Variants in KCNK13 observed in about 807,000 individuals in gnomAD.
KCNK13 encodes potassium channel subfamily K member 13.
A neutral mutation model predicts 23.4 loss-of-function variants in KCNK13; 12 were observed. The observed-to-expected ratio is 0.51, with a 90% CI of 0.33 to 0.83. The LOEUF (loss-of-function observed/expected upper bound fraction) is 0.83. Ranked by LOEUF, KCNK13 falls within the 40% of genes least tolerant of loss-of-function variation. KCNK13 has a pLI of 0.02. For synonymous variants in KCNK13, 231 were observed against 229.5 expected (o/e 1.01, Z -0.06); for missense variants, 463 against 556.3 (o/e 0.83, Z 1.69).
At chr14:90,081,076 G>A (rs1889203779) in intron 1 of KCNK13, among the ~76,000 whole-genome samples, 1 of 152,232 alleles carries the variant, frequency 6.6e-6, no homozygotes, top group Non-Finnish European at 1.5e-5. Flanking sequence ...AAGCCTTTCA[G>A]GCACTGCGAA....
intron 1 of KCNK13, among the ~76,000 whole-genome samples, chr14:90,124,459 C>G (rs1445165751): frequency 6.6e-6 from 1 of 152,216 alleles, no homozygotes; most frequent in Non-Finnish European, 1.5e-5. Flanking sequence ...AGATTCAAAG[C>G]ATGAAATGGA....
intron 1 of KCNK13, among the ~76,000 whole-genome samples, chr14:90,161,598 A>G (rs1890253590): frequency 6.6e-6 from 1 of 152,220 alleles, no homozygotes; most frequent in South Asian, 2.1e-4. Context: ...AGTAATTACA[A>G]CATTCTACTA....
At chr14:90,102,668 A>G (rs1265843044) in intron 1 of KCNK13, among the ~76,000 whole-genome samples, 1 of 152,196 alleles carries the variant, frequency 6.6e-6, no homozygotes, top group African/African-American at 2.4e-5. Context: ...CTTCTCAGTC[A>G]GTATGGCTGT....
intron 1 of KCNK13, among the ~76,000 whole-genome samples, chr14:90,091,668 G>T (rs1441787690): frequency 6.6e-6 from 1 of 151,850 alleles, no homozygotes; most frequent in African/African-American, 2.4e-5. Context: ...AGACAGTGAT[G>T]CATGAAGGGT....
intron 1 of KCNK13, among the ~76,000 whole-genome samples, chr14:90,137,496 T>G (rs1025240749): frequency 1.4e-4 from 21 of 152,114 alleles, no homozygotes; most frequent in Admixed American, 7.2e-4. Flanking sequence ...AATTTTTGTA[T>G]TTTTCATAGA....
chr14:90,179,237 T>G (rs1417944290), intron 1 of KCNK13, among the ~76,000 whole-genome samples: 2 of 152,088 alleles, frequency 1.3e-5, no homozygotes, highest in African/African-American at 4.8e-5. Context: ...GTTGACAGAA[T>G]GTTGATAATT....
At position 90,085,792 on chromosome 14, in the gene KCNK13, AC is replaced by A. The variant is rs1406497529; in HGVS notation, c.334+23254del. On this transcript the variant is annotated intron_variant, in intron 1 of 1. Coordinates refer to ENST00000282146, the MANE Select transcript of KCNK13 (RefSeq NM_022054.4). ...AAATTATATATATTATATATTATATACTTTATATTATATATTATATTATATA... is the reference window on the plus strand; with the variant it reads ...AAATTATATATATTATATATTATATATTTATATTATATATTATATTATATA... 2.1e-3 allele frequency among the ~76,000 whole-genome samples: 194 copies of A among 90,630 alleles called. 1 individual carries two copies. The highest frequency in any genetic ancestry group is 7.5e-3 in the African/African-American group (156 of 20,752). 59.5% of individuals were successfully genotyped at this position (90,630 alleles called of 152,430 possible). A position where few individuals can be genotyped will look rare whatever the true frequency, so the allele number is the denominator to read the frequency against.
chr14:90,095,801 T>C (rs1216869528), intron 1 of KCNK13, among the ~76,000 whole-genome samples: 1 of 152,144 alleles, frequency 6.6e-6, no homozygotes, highest in African/African-American at 2.4e-5. Flanking sequence ...TCGAGTCAGA[T>C]CTCACAGGTC....
chr14:90,074,119 A>G (rs891944799), intron 1 of KCNK13, among the ~76,000 whole-genome samples: 2 of 151,656 alleles, frequency 1.3e-5, no homozygotes, highest in Non-Finnish European at 2.9e-5. Flanking sequence ...ACAGGCATGC[A>G]CCACCACACC....
intron 1 of KCNK13, chr14:90,107,678 G>A (rs948401907): frequency 1.6e-4 from 115 of 724,870 alleles, no homozygotes; most frequent in East Asian, 4.2e-4. Flanking sequence ...TGTCAGCATG[G>A]CTCAAGAGTG....
chr14:90,110,597 A>G (rs1889604083), intron 1 of KCNK13, among the ~76,000 whole-genome samples: 1 of 152,150 alleles, frequency 6.6e-6, no homozygotes, highest in South Asian at 2.1e-4. Context: ...TAGCAAGGAC[A>G]TAAGGAGTCT....
At chr14:90,075,157 T>C (rs1168901091) in intron 1 of KCNK13, among the ~76,000 whole-genome samples, 1 of 152,230 alleles carries the variant, frequency 6.6e-6, no homozygotes, top group Non-Finnish European at 1.5e-5. Flanking sequence ...TATATTTTTA[T>C]TATGATGGCT....
At chr14:90,166,601 G>A (rs572615587) in intron 1 of KCNK13, among the ~76,000 whole-genome samples, 108 of 152,006 alleles carry the variant, frequency 7.1e-4, no homozygotes, top group African/African-American at 2.3e-3. Flanking sequence ...AGCTACTTGG[G>A]AGGCTGAGGC....
chr14:90,165,737 GT>G (rs1392146711), intron 1 of KCNK13, among the ~76,000 whole-genome samples: 5 of 152,174 alleles, frequency 3.3e-5, no homozygotes, highest in Non-Finnish European at 7.3e-5. Context: ...AAATCACATT[GT>G]TTTTCACCTT....
At chr14:90,125,126 A>G (rs1889781456) in intron 1 of KCNK13, among the ~76,000 whole-genome samples, 1 of 152,188 alleles carries the variant, frequency 6.6e-6, no homozygotes, top group Non-Finnish European at 1.5e-5. Flanking sequence ...ATCATTTAGG[A>G]AGGATAGGCT....
At chr14:90,144,102 G>T (rs1259768509) in intron 1 of KCNK13, among the ~76,000 whole-genome samples, 2 of 152,148 alleles carry the variant, frequency 1.3e-5, no homozygotes, top group Non-Finnish European at 2.9e-5. Context: ...CAAAAATGCT[G>T]CTGGAATTTT....
In KCNK13 at chr14:90,184,268, G is replaced by T. The variant is rs140749568; in HGVS notation, c.492G>T (p.Gln164His). ...TCATGAAGTCGTGCCACCAGCGGCA[G>T]CTCCGGAGACGAGGGGCCCTGCCCC... ...AYIMKSCHQR[Q>H]LRRRGALPQE... is the part of the protein sequence containing the mutation. Residue 164 changes from glutamine to histidine, a missense_variant, in exon 2 of 2, where the codon CAG (glutamine) becomes CAT (histidine). Physicochemically the swap from Gln to His is conservative, Grantham distance 24. This residue lies in a region of KCNK13 where 144 missense variants were observed against 224.0 expected (regional missense o/e 0.64). Transcript: ENST00000282146. This position sits in a 1 kb window ranked among gnomAD's most constrained non-coding sequence, Gnocchi z 5.6. 2 of 1,614,124 alleles carry T rather than the reference G, an allele frequency of 1.2e-6. No homozygotes were observed. The highest frequency in any genetic ancestry group is 2.7e-5 in the African/African-American group (2 of 74,944).
intron 1 of KCNK13, among the ~76,000 whole-genome samples, chr14:90,114,526 C>T (rs562402786): frequency 6.6e-6 from 1 of 152,240 alleles, no homozygotes; most frequent in African/African-American, 2.4e-5. Context: ...GAAATTCCTT[C>T]GTTCCTGGGA....
chr14:90,136,934 T>C (rs923807172), intron 1 of KCNK13, among the ~76,000 whole-genome samples: 4 of 152,178 alleles, frequency 2.6e-5, no homozygotes, highest in Admixed American at 6.5e-5. Flanking sequence ...TGTATTTCTC[T>C]GGCCAAGACA....
Sources: gnomAD v4.1 joint callset for allele counts (sites outside exome capture counted in the v4.1 genomes callset) on GRCh38, gnomAD v4.1.1 for gene constraint, gnomAD v4.1.1 regional missense constraint, Gnocchi (gnomAD v3.1) non-coding constraint, MANE v1.5 for transcripts, NCBI Gene and HGNC (gene_info 2026-07-23, HGNC 2026-07-21) for gene names.